PIAS2: variants seen among roughly 807,000 people sequenced by gnomAD.
The protein encoded by PIAS2 is protein inhibitor of activated STAT 2.
A neutral mutation model predicts 69.7 loss-of-function variants in PIAS2; 19 were observed. The observed-to-expected ratio is 0.27, with a 90% CI of 0.19 to 0.40. The LOEUF (loss-of-function observed/expected upper bound fraction) is 0.40, where lower values mean the gene tolerates loss of function less well. PIAS2 is among the 10% of genes least tolerant of loss of function. The pLI is 1.00. For missense variants in PIAS2, 624 were observed against 757.0 expected (o/e 0.82, Z 2.06); for synonymous variants, 261 against 263.2 (o/e 0.99, Z 0.08).
intron 1 of PIAS2, among the ~76,000 whole-genome samples, chr18:46,909,580 T>A (rs2057024619): frequency 6.6e-6 from 1 of 152,184 alleles, no homozygotes; most frequent in Non-Finnish European, 1.5e-5. Context: ...CAAAAGTAGA[T>A]GTTAGCAAGA....
intron 2 of PIAS2, among the ~76,000 whole-genome samples, chr18:46,869,672 G>C (rs1041196944): frequency 6.6e-6 from 1 of 152,140 alleles, no homozygotes; most frequent in Non-Finnish European, 1.5e-5. Flanking sequence ...ACATACTGGA[G>C]GGACAGTGAA....
chr18:46,818,598 C>T (rs2041825810), intron 12 of PIAS2: 4 of 609,480 alleles, frequency 6.6e-6, no homozygotes. Context: ...CACAGTATGA[C>T]TAACTACATA....
intron 10 of PIAS2, among the ~76,000 whole-genome samples, chr18:46,828,379 T>C (rs2043115435): frequency 6.6e-6 from 1 of 152,204 alleles, no homozygotes; most frequent in Non-Finnish European, 1.5e-5. Flanking sequence ...TCAGACAGAA[T>C]GTTCTTAGTT....
intron 2 of PIAS2, among the ~76,000 whole-genome samples, chr18:46,886,115 C>T (rs753248101): frequency 1.3e-5 from 2 of 152,012 alleles, no homozygotes; most frequent in Non-Finnish European, 2.9e-5. Flanking sequence ...TTCACTTAGT[C>T]CCCCCCAGTC....
rs59066322 is a variant in PIAS2, at chr18:46,906,773, TGGG to T, written c.24+10546_24+10548del. 2.5e-5 allele frequency among the ~76,000 whole-genome samples: 2 copies of T among 80,846 alleles called. 1 individual carries two copies. Among genetic ancestry groups the T allele is most frequent in the African/African-American group, 9.0e-5 (2 of 22,108 alleles). The allele number at this position is 80,846 out of a possible 152,430, so 53.0% of individuals were successfully genotyped here. A position where few individuals can be genotyped will look rare whatever the true frequency, so the allele number is the denominator to read the frequency against. On this transcript the variant is annotated intron_variant, in intron 1 of 13. Transcript: ENST00000585916. ...TACCAACAAGATGTATGTGTGTGTGTGGGGGGGGGGGGAGGTGTATAACATGAA... is the reference window on the plus strand; with the variant it reads ...TACCAACAAGATGTATGTGTGTGTGTGGGGGGGGGAGGTGTATAACATGAA...
intron 8 of PIAS2, 193 bp downstream of exon 8, chr18:46,843,861 C>T (rs1450835616): frequency 2.4e-6 from 1 of 409,164 alleles, no homozygotes. Context: ...AGCTATCTTC[C>T]CTCTTCTTTG....
At chr18:46,853,230 G>A (rs78296291) in intron 5 of PIAS2, 25 of 127,868 alleles carry the variant, frequency 2.0e-4, no homozygotes, top group Non-Finnish European at 2.9e-4. Context: ...AGAGTGAGCC[G>A]AGACTACACT....
chr18:46,917,618 G>A (rs2058140856), upstream of PIAS2: 1 of 920,982 alleles, frequency 1.1e-6, no homozygotes. Context: ...CGCGGCGACA[G>A]CGCCCGCCCG....
upstream of PIAS2, among the ~76,000 whole-genome samples, chr18:46,919,063 T>C (rs2146444820): frequency 6.6e-6 from 1 of 151,604 alleles, no homozygotes; most frequent in South Asian, 2.1e-4. Context: ...ACACACATAT[T>C]GTTTTGGCCA....
At chr18:46,849,670 A>T (rs2046674770) in intron 5 of PIAS2, among the ~76,000 whole-genome samples, 1 of 152,128 alleles carries the variant, frequency 6.6e-6, no homozygotes, top group African/African-American at 2.4e-5. Context: ...TTTCCTCCAA[A>T]TTTTCTAATT....
intron 11 of PIAS2, among the ~76,000 whole-genome samples, chr18:46,826,612 A>G (rs2042887916): frequency 6.6e-6 from 1 of 152,110 alleles, no homozygotes; most frequent in Non-Finnish European, 1.5e-5. Context: ...TTATAACTTC[A>G]TTTTCTGTTT....
At position 46,917,331 on chromosome 18, in the gene PIAS2, T is replaced by C. The variant is rs967348565; in HGVS notation, c.15A>G (p.Glu5=). 2.0e-6 allele frequency: 3 copies of C among 1,475,804 alleles called. No individual in the cohort carries two copies. Among genetic ancestry groups the C allele is most frequent in the African/African-American group, 3.0e-5 (2 of 67,170 alleles). 91.4% of individuals were successfully genotyped at this position (1,475,804 alleles called of 1,614,324 possible). MADF[E]ELRNMVSSFR... ...CTCCACTCCCGCTTACCCTCAACTC[T>C]TCGAAATCCGCCATTTTATACCACC... The change falls in exon 1 of 14, where the codon GAA becomes GAG. Residue 5 remains glutamate, a synonymous_variant. Transcript: ENST00000585916.
At chr18:46,883,093 G>A (rs549695829) in intron 2 of PIAS2, among the ~76,000 whole-genome samples, 18 of 146,934 alleles carry the variant, frequency 1.2e-4, no homozygotes, top group Admixed American at 9.6e-4. Flanking sequence ...GGGAGACTCC[G>A]TCTCAAAAGA....
chr18:46,907,369 C>A (rs2056744711), intron 1 of PIAS2: 2 of 152,190 alleles, frequency 1.3e-5, no homozygotes, highest in Admixed American at 1.3e-4. Flanking sequence ...AAAACCACTA[C>A]ACATTCACCA....
chr18:46,865,513 G>T (rs552548565), intron 2 of PIAS2, among the ~76,000 whole-genome samples: 39 of 125,272 alleles, frequency 3.1e-4, no homozygotes, highest in African/African-American at 1.2e-3. Flanking sequence ...GCACTACAGC[G>T]ATAGTCTTCA....
rs2058111838 is a variant in PIAS2 at position 46,917,452 on chromosome 18, A to C, written c.-107T>G. On this transcript the variant is annotated 5_prime_UTR_variant, in exon 1 of 14. Coordinates refer to ENST00000585916, the MANE Select transcript of PIAS2 (RefSeq NM_004671.5). ...GCCGCCGCCTCCAGCACCATCCTGCACTGGGCGCCGCTTAAGACGCCGCGG... is the reference window on the plus strand; with the variant it reads ...GCCGCCGCCTCCAGCACCATCCTGCCCTGGGCGCCGCTTAAGACGCCGCGG... 1 of 1,244,096 alleles carries C rather than the reference A, an allele frequency of 8.0e-7. No individual in the cohort carries two copies. Among genetic ancestry groups the C allele is most frequent in the Non-Finnish European group, 1.0e-6 (1 of 990,040 alleles). 77.1% of individuals were successfully genotyped at this position (1,244,096 alleles called of 1,614,324 possible). A position where few individuals can be genotyped will look rare whatever the true frequency, so the allele number is the denominator to read the frequency against.
chr18:46,837,794 T>A (rs770683789), intron 8 of PIAS2, among the ~76,000 whole-genome samples: 2 of 152,166 alleles, frequency 1.3e-5, no homozygotes, highest in Non-Finnish European at 2.9e-5. Flanking sequence ...ACAGAAAATA[T>A]CACTGTTTAT....
At chr18:46,820,638 T>C (rs1402279909) in intron 12 of PIAS2, among the ~76,000 whole-genome samples, 2 of 151,970 alleles carry the variant, frequency 1.3e-5, no homozygotes, top group African/African-American at 4.8e-5. Flanking sequence ...TGTGAGGTTC[T>C]ATAATAAAGA....
intron 2 of PIAS2, among the ~76,000 whole-genome samples, chr18:46,887,929 C>T (rs1242243733): frequency 6.6e-6 from 1 of 152,060 alleles, no homozygotes; most frequent in African/African-American, 2.4e-5. Flanking sequence ...TAAAATTATT[C>T]CTGTTCACAG....
Sources: gnomAD v4.1 joint callset for allele counts (sites outside exome capture counted in the v4.1 genomes callset) on GRCh38, gnomAD v4.1.1 for gene constraint, MANE v1.5 for transcripts, NCBI Gene and HGNC (gene_info 2026-07-23, HGNC 2026-07-21) for gene names.